WASHC2C: variants seen among roughly 807,000 people sequenced by gnomAD.
WASHC2C encodes WASH complex subunit 2C, also known as Vaccinia Penetration Factor.
A neutral mutation model predicts 142.2 loss-of-function variants in WASHC2C; 73 were observed. That is an observed-to-expected ratio of 0.51 (90% CI 0.43 to 0.62). The LOEUF is 0.62. Among genes scored for constraint, WASHC2C ranks in the 20% least tolerant of loss-of-function variants. The pLI is 0.00. For synonymous variants in WASHC2C, 337 were observed against 565.5 expected, an observed-to-expected ratio of 0.60 and a Z score of 5.73; for missense variants, 969 against 1,531.7, an observed-to-expected ratio of 0.63 and a Z score of 6.13.
At position 45,729,766 on chromosome 10, in the gene WASHC2C, G is replaced by A. The variant is rs561014760; in HGVS notation, c.291+740G>A. 3.0e-3 allele frequency among the ~76,000 whole-genome samples: 439 copies of A among 145,254 alleles called. 1 individual carries two copies. Among genetic ancestry groups the A allele is most frequent in the Non-Finnish European group, 4.6e-3 (306 of 66,298 alleles). On this transcript the variant is annotated intron_variant, in intron 3 of 30. Coordinates refer to ENST00000623400, the MANE Select transcript of WASHC2C (RefSeq NM_001330074.2). ...ATATCAGCATTCATTTGTGGAAAAA[G>A]GATTATTAAAGTAAGCGATCTCCCG...
intron 11 of WASHC2C, 26 bp downstream of exon 11, chr10:45,751,579 A>G (rs1564737220): frequency 9.0e-7 from 1 of 1,112,276 alleles, no homozygotes; most frequent in Non-Finnish European, 1.3e-6. Flanking sequence ...CAATTCTGTT[A>G]TTTTAGGAGC....
At position 45,792,778 on chromosome 10, in the gene WASHC2C, T is replaced by G; in HGVS notation, c.*378T>G. 1 of 497,768 alleles carries G rather than the reference T, an allele frequency of 2.0e-6. No homozygotes were observed. The highest frequency in any genetic ancestry group is 1.5e-5 in the South Asian group (1 of 64,678). 30.8% of individuals were successfully genotyped at this position (497,768 alleles called of 1,614,324 possible). On this transcript the variant is annotated 3_prime_UTR_variant, in exon 31 of 31. Coordinates refer to ENST00000623400, the MANE Select transcript of WASHC2C (RefSeq NM_001330074.2). Reference sequence around the variant, plus strand: ...TTGTTATATGGATGGGAACCCTAACTTAGGGCTTGGGCAGGGGAAAGAGAA... The same window carrying G: ...TTGTTATATGGATGGGAACCCTAACGTAGGGCTTGGGCAGGGGAAAGAGAA...
Position 45,769,565 on chromosome 10 carries a change from C to A in WASHC2C, c.1986C>A (p.Thr662=). The change falls in exon 20 of 31, where the codon ACC becomes ACA. Residue 662 remains threonine (T), a synonymous_variant. Coordinates refer to ENST00000623400, the MANE Select transcript of WASHC2C (RefSeq NM_001330074.2). ...QSQEAKAVKK[T]SLFEEDKEDD... is the part of the protein sequence containing the mutation. ...AGGAGGCCAAGGCTGTGAAAAAGACCAGTCTCTTTGAGGAAGACAAAGAAG... is the reference window on the plus strand; with the variant it reads ...AGGAGGCCAAGGCTGTGAAAAAGACAAGTCTCTTTGAGGAAGACAAAGAAG... 6.2e-7 allele frequency: 1 copy of A among 1,611,880 alleles called. No homozygotes were observed. Among genetic ancestry groups the A allele is most frequent in the Non-Finnish European group, 8.5e-7 (1 of 1,179,852 alleles).
At chr10:45,762,756 A>C (rs1810167301) in intron 17 of WASHC2C, among the ~76,000 whole-genome samples, 1 of 151,988 alleles carries the variant, frequency 6.6e-6, no homozygotes, top group Admixed American at 6.6e-5. Context: ...ATACAAAAAA[A>C]TTAGCCGGGC....
chr10:45,791,337 T>C (rs1426795485), intron 30 of WASHC2C, among the ~76,000 whole-genome samples: 1 of 151,510 alleles, frequency 6.6e-6, no homozygotes, highest in East Asian at 1.9e-4. Context: ...CTTATTGTAA[T>C]AGATTCATGC....
intron 29 of WASHC2C, among the ~76,000 whole-genome samples, chr10:45,789,742 TAC>T (rs2058284779): frequency 1.3e-5 from 2 of 152,258 alleles, no homozygotes. Flanking sequence ...CTCTAGTTTT[TAC>T]AGTTTTTTTA....
At chr10:45,738,873 T>C (rs549050603) in intron 4 of WASHC2C, among the ~76,000 whole-genome samples, 1 of 152,164 alleles carries the variant, frequency 6.6e-6, no homozygotes, top group African/African-American at 2.4e-5. Flanking sequence ...CCTGGCTAAT[T>C]TTTTTGTATT....
chr10:45,736,173 C>T (rs1325952449), intron 3 of WASHC2C, among the ~76,000 whole-genome samples: 232 of 150,506 alleles, frequency 1.5e-3, no homozygotes, highest in African/African-American at 4.5e-3. Flanking sequence ...TTTGGGAGGC[C>T]GAGGTGGGCG....
chr10:45,734,358 A>ACT lies in WASHC2C; in HGVS notation c.292-3624_292-3623dup, dbSNP rs1231319775. ...TTTTAACTTTAACCTTTTCTAGATG[A>ACT]CTGTGTGTGTGTGTGTGTGTGTGTG... On this transcript the variant is annotated intron_variant, in intron 3 of 30. Coordinates refer to ENST00000623400, the MANE Select transcript of WASHC2C (RefSeq NM_001330074.2). Among the ~76,000 whole-genome samples, 542 of 116,798 alleles carry ACT rather than the reference A, an allele frequency of 4.6e-3. 1 individual carries two copies. Among genetic ancestry groups the ACT allele is most frequent in the African/African-American group, 0.017 (512 of 29,752 alleles). The allele number at this position is 116,798 out of a possible 152,430, so 76.6% of individuals were successfully genotyped here.
At chr10:45,759,451 T>C (rs2054798511) in intron 17 of WASHC2C, 50 bp downstream of exon 17, 9 of 1,366,144 alleles carry the variant, frequency 6.6e-6, no homozygotes, top group Middle Eastern at 5.2e-4. Flanking sequence ...GGATATGACA[T>C]AGAAACTATT....
intron 3 of WASHC2C, among the ~76,000 whole-genome samples, chr10:45,736,398 T>TC (rs1429419791): frequency 2.0e-4 from 16 of 78,756 alleles, no homozygotes; most frequent in South Asian, 1.1e-3. Context: ...AGAGTGAGAC[T>TC]CCATCTCAAA....
intron 3 of WASHC2C, among the ~76,000 whole-genome samples, chr10:45,734,241 A>G (rs1210451613): frequency 6.6e-6 from 1 of 151,864 alleles, no homozygotes; most frequent in Non-Finnish European, 1.5e-5. Flanking sequence ...ATAATAATAA[A>G]TAAATAAATA....
chr10:45,754,795 G>A, intron 14 of WASHC2C, 141 bp from the exon 15 acceptor site: 7 of 1,362,884 alleles, frequency 5.1e-6, no homozygotes, highest in Non-Finnish European at 1.0e-6. Flanking sequence ...TAGCAGTAAT[G>A]GATGGAGGCT....
intron 3 of WASHC2C, among the ~76,000 whole-genome samples, chr10:45,735,417 A>G (rs1211359682): frequency 6.6e-6 from 1 of 150,964 alleles, no homozygotes; most frequent in Non-Finnish European, 1.5e-5. Flanking sequence ...TTTAGTAAAG[A>G]TGGGGTTTTG....
At chr10:45,791,232 C>T (rs1468276293) in intron 30 of WASHC2C, among the ~76,000 whole-genome samples, 7,601 of 152,192 alleles carry the variant, frequency 0.05, 174 homozygotes, top group African/African-American at 0.09. Context: ...TCTGTGCCTC[C>T]AGCAAGCCGT....
intron 20 of WASHC2C, 123 bp downstream of exon 20, chr10:45,769,741 G>C: frequency 7.4e-7 from 1 of 1,351,676 alleles, no homozygotes. Context: ...TTGTGCCAGT[G>C]AGAATGTCTT....
At chr10:45,756,357 TAAAA>T (rs1288545238) in intron 15 of WASHC2C, among the ~76,000 whole-genome samples, 2 of 151,930 alleles carry the variant, frequency 1.3e-5, no homozygotes, top group Admixed American at 1.3e-4. Flanking sequence ...CTGTGACAGT[TAAAA>T]AGAAAGGGGT....
intron 30 of WASHC2C, among the ~76,000 whole-genome samples, chr10:45,790,871 A>G (rs2058355521): frequency 1.3e-5 from 2 of 152,178 alleles, no homozygotes; most frequent in African/African-American, 2.4e-5. Context: ...GTGCTAAAGT[A>G]GGCTGAGGGG....
rs1219355253 is a variant in WASHC2C at position 45,741,820 on chromosome 10, CAG to C, written c.529-1567_529-1566del. Among the ~76,000 whole-genome samples the C allele has an allele frequency of 3.5e-5, 5 of 143,620 alleles. No homozygotes were observed. The East Asian group carries it at 6.2e-4, about 18-fold the overall frequency. The allele number at this position is 143,620 out of a possible 152,430, so 94.2% of individuals were successfully genotyped here. On this transcript the variant is annotated intron_variant, in intron 5 of 30. Coordinates refer to ENST00000623400, the MANE Select transcript of WASHC2C (RefSeq NM_001330074.2). ...CCTATTTTTTTTTTTTTTTTTGAGA[CAG>C]AGTTTCACTCTTGTTGCCCAAGCTG...
Sources: gnomAD v4.1 joint callset for allele counts (sites outside exome capture counted in the v4.1 genomes callset) on GRCh38, gnomAD v4.1.1 for gene constraint, MANE v1.5 for transcripts, NCBI Gene and HGNC (gene_info 2026-07-23, HGNC 2026-07-21) for gene names.